The following ANK3 variants were observed in gnomAD, a reference collection of about 807,000 sequenced individuals.
ANK3 encodes the protein ankyrin 3.
Under a neutral mutation model 370.9 loss-of-function variants are expected in ANK3, and 57 were observed. That is an observed-to-expected ratio of 0.15 (90% CI 0.12 to 0.19). The LOEUF (loss-of-function observed/expected upper bound fraction) is 0.19. Ranked by LOEUF, ANK3 falls within the 10% of genes least tolerant of loss-of-function variation. ANK3 has a pLI of 1.00. For synonymous variants in ANK3, 1,929 were observed against 1,946.3 expected, an observed-to-expected ratio of 0.99 and a Z score of 0.23; for missense variants, 4,439 against 5,302.1, an observed-to-expected ratio of 0.84 and a Z score of 5.06.
intron 1 of ANK3, among the ~76,000 whole-genome samples, chr10:60,306,620 TCTA>T (rs2045194908): frequency 6.6e-6 from 1 of 152,144 alleles, no homozygotes; most frequent in Non-Finnish European, 1.5e-5. Flanking sequence ...GAATGATAGT[TCTA>T]CTTTTAGTTC....
chr10:60,482,111 A>G (rs1460423399), intron 2 of ANK3, among the ~76,000 whole-genome samples: 2 of 152,118 alleles, frequency 1.3e-5, no homozygotes, highest in Non-Finnish European at 2.9e-5. Flanking sequence ...ATGAAAAGTA[A>G]TGCCTTCTGT....
intron 2 of ANK3, among the ~76,000 whole-genome samples, chr10:60,428,546 G>C (rs189553525): frequency 2.0e-4 from 31 of 152,320 alleles, no homozygotes; most frequent in Admixed American, 2.0e-3. Context: ...AGAGGAGCCA[G>C]GGACGTAAGG....
chr10:60,650,828 A>G (rs977091734), intron 1 of ANK3, among the ~76,000 whole-genome samples: 4 of 152,216 alleles, frequency 2.6e-5, no homozygotes, highest in Admixed American at 2.6e-4. Flanking sequence ...TCATGCCTGT[A>G]ATCCCAGTAC....
chr10:60,392,968 C>T (rs940753252), upstream of ANK3, among the ~76,000 whole-genome samples: 2 of 151,924 alleles, frequency 1.3e-5, no homozygotes, highest in Non-Finnish European at 2.9e-5. Flanking sequence ...AAAAAAAAAG[C>T]TAAGGACAAA....
chr10:60,550,180 A>T (rs770645464), intron 2 of ANK3, among the ~76,000 whole-genome samples: 6 of 151,970 alleles, frequency 3.9e-5, no homozygotes, highest in Non-Finnish European at 1.5e-5. Context: ...AAAATATGAC[A>T]TTCATATCTT....
intron 8 of ANK3, among the ~76,000 whole-genome samples, chr10:60,218,361 T>C (rs2096981380): frequency 6.6e-6 from 1 of 152,122 alleles, no homozygotes; most frequent in African/African-American, 2.4e-5. Context: ...TAGTTGATTC[T>C]GTTTCCTCAT....
intron 1 of ANK3, among the ~76,000 whole-genome samples, chr10:60,346,798 C>G (rs1364058821): frequency 6.6e-6 from 1 of 152,004 alleles, no homozygotes; most frequent in East Asian, 1.9e-4. Context: ...TTTTACCAAT[C>G]ATACAGACTT....
chr10:60,201,262 C>G (rs966975748), intron 12 of ANK3, among the ~76,000 whole-genome samples: 2 of 152,208 alleles, frequency 1.3e-5, no homozygotes, highest in African/African-American at 2.4e-5. Flanking sequence ...TATTTCATCT[C>G]AGAAGCTGGC....
chr10:60,672,809 G>A (rs2079078360), intron 1 of ANK3, among the ~76,000 whole-genome samples: 1 of 152,158 alleles, frequency 6.6e-6, no homozygotes, highest in Non-Finnish European at 1.5e-5. Flanking sequence ...ACAGTCTTGT[G>A]AGACCTTGCA....
chr10:60,367,710 T>C (rs2059576659), intron 1 of ANK3, among the ~76,000 whole-genome samples: 1 of 152,212 alleles, frequency 6.6e-6, no homozygotes, highest in Admixed American at 6.5e-5. Flanking sequence ...TGGGAACCCA[T>C]TCATTTCCCC....
intron 2 of ANK3, among the ~76,000 whole-genome samples, chr10:60,426,847 G>A (rs1324554188): frequency 6.6e-6 from 1 of 152,112 alleles, no homozygotes; most frequent in Admixed American, 6.6e-5. Context: ...AATGGGAATA[G>A]ATCCTATGAA....
At chr10:60,725,723 T>C (rs909403029) in intron 1 of ANK3, among the ~76,000 whole-genome samples, 5 of 152,136 alleles carry the variant, frequency 3.3e-5, no homozygotes, top group African/African-American at 9.7e-5. Context: ...AATATATAAA[T>C]AGCTGCTTAC....
intron 1 of ANK3, among the ~76,000 whole-genome samples, chr10:60,388,295 CAG>C (rs1438116960): frequency 1.3e-5 from 2 of 152,168 alleles, no homozygotes; most frequent in Non-Finnish European, 2.9e-5. Flanking sequence ...CAACAAAAGG[CAG>C]AGAGTCTTCT....
rs75757687 is a variant in ANK3, at chr10:60,686,351, A to G, written c.57+46912T>C. Among the ~76,000 whole-genome samples the G allele has an allele frequency of 2.8e-3, 419 of 152,310 alleles. 1 individual carries two copies. The highest frequency in any genetic ancestry group is 9.8e-3 in the African/African-American group (407 of 41,578). On this transcript the variant is annotated intron_variant, in intron 1 of 43. Coordinates refer to the ANK3 transcript ENST00000373827. ...AAAGCCACAGTGAGATTCATTTCAC[A>G]ACCAAAAATTGACAAAAATTTAGAA...
At chr10:60,632,475 A>C (rs537086572) in intron 1 of ANK3, among the ~76,000 whole-genome samples, 3 of 152,206 alleles carry the variant, frequency 2.0e-5, no homozygotes, top group Non-Finnish European at 4.4e-5. Flanking sequence ...TTGCCAGGGC[A>C]TGGTAGCTCG....
chr10:60,155,161 G>A (rs2095290680), intron 23 of ANK3, among the ~76,000 whole-genome samples: 1 of 152,112 alleles, frequency 6.6e-6, no homozygotes, highest in Non-Finnish European at 1.5e-5. Flanking sequence ...TAATATCAAG[G>A]ATAGAGGCAT....
chr10:60,155,541 G>T (rs74156421), intron 23 of ANK3, among the ~76,000 whole-genome samples: 1 of 152,152 alleles, frequency 6.6e-6, no homozygotes, highest in Admixed American at 6.5e-5. Context: ...GTGCTACCCT[G>T]GTCTTGGAGG....
intron 17 of ANK3, among the ~76,000 whole-genome samples, chr10:60,182,449 C>T (rs2096221602): frequency 6.6e-6 from 1 of 152,296 alleles, no homozygotes; most frequent in Admixed American, 6.5e-5. Context: ...TTTTAAAAAA[C>T]CTCTTTAAAT....
At chr10:60,632,278 T>C (rs552759125) in intron 1 of ANK3, among the ~76,000 whole-genome samples, 15 of 152,334 alleles carry the variant, frequency 9.8e-5, no homozygotes, top group Non-Finnish European at 2.1e-4. Flanking sequence ...ATTCATCCTT[T>C]AATCACATTT....
Sources: gnomAD v4.1 joint callset for allele counts (sites outside exome capture counted in the v4.1 genomes callset) on GRCh38, gnomAD v4.1.1 for gene constraint, MANE v1.5 for transcripts, NCBI Gene and HGNC (gene_info 2026-07-23, HGNC 2026-07-21) for gene names.